MTHFD2L: variants seen among roughly 807,000 people sequenced by gnomAD.
MTHFD2L encodes methylenetetrahydrofolate dehydrogenase (NADP+ dependent) 2 like.
In MTHFD2L, 29 loss-of-function variants were observed where a neutral mutation model predicts 34.9. The ratio of observed to expected loss-of-function variants is 0.83; its 90% CI spans 0.62 to 1.13. The LOEUF (loss-of-function observed/expected upper bound fraction) is 1.13, where lower values mean the gene tolerates loss of function less well. Ranked by LOEUF, MTHFD2L falls within the 50% of genes most tolerant of loss-of-function variation. The pLI is 0.00. For missense variants in MTHFD2L, 481 were observed against 446.5 expected (o/e 1.08, Z -0.70); for synonymous variants, 167 against 155.7 (o/e 1.07, Z -0.54).
upstream of MTHFD2L, among the ~76,000 whole-genome samples, chr4:74,119,648 T>C (rs1560397164): frequency 6.6e-6 from 1 of 151,980 alleles, no homozygotes; most frequent in Non-Finnish European, 1.5e-5. Flanking sequence ...CCGGGCATGG[T>C]GGCGGGTGTC....
At chr4:74,256,757 T>C (rs1323220577) in intron 6 of MTHFD2L, among the ~76,000 whole-genome samples, 1 of 152,206 alleles carries the variant, frequency 6.6e-6, no homozygotes. Context: ...CAAATAGTTA[T>C]ATATGTGCAG....
chr4:74,204,918 A>G (rs971062321), intron 5 of MTHFD2L, among the ~76,000 whole-genome samples: 1 of 152,208 alleles, frequency 6.6e-6, no homozygotes, highest in Non-Finnish European at 1.5e-5. Flanking sequence ...AAACAAAAAC[A>G]TATATACTTT....
chr4:74,264,299 A>G (rs1181885125), intron 6 of MTHFD2L, among the ~76,000 whole-genome samples: 1 of 152,036 alleles, frequency 6.6e-6, no homozygotes, highest in Non-Finnish European at 1.5e-5. Flanking sequence ...TATTTAGAAA[A>G]TCTAATGTAA....
At chr4:74,270,365 C>T (rs919340016) in intron 6 of MTHFD2L, among the ~76,000 whole-genome samples, 2 of 151,992 alleles carry the variant, frequency 1.3e-5, no homozygotes, top group Non-Finnish European at 2.9e-5. Context: ...GTTCCCCTTC[C>T]TGTGTCCAAG....
chr4:74,281,549 A>C lies in MTHFD2L; in HGVS notation c.930A>C (p.Glu310Asp), dbSNP rs1217898858. Reference sequence around the variant, plus strand: ...AATTAGTTGGAGATGTGGACTTCGAAGGTAATAAACCAATATCTTTTGATA... The same window carrying C: ...AATTAGTTGGAGATGTGGACTTCGACGGTAATAAACCAATATCTTTTGATA... Reference protein sequence around the residue: ...KTKLVGDVDFEAVKKKAGFIT... With the variant: ...KTKLVGDVDFDAVKKKAGFIT... The change falls in exon 7 of 8, where the codon GAA becomes GAC. Residue 310 changes from glutamate (E) to aspartate (D), a missense_variant and splice_region_variant. By Grantham distance (45) the Glu-to-Asp change is conservative. Coordinates refer to ENST00000325278, the MANE Select transcript of MTHFD2L (RefSeq NM_001144978.3). 4 of 1,611,420 alleles carry C rather than the reference A, an allele frequency of 2.5e-6. No homozygotes were observed. The highest frequency in any genetic ancestry group is 3.4e-6 in the Non-Finnish European group (4 of 1,178,660).
intron 3 of MTHFD2L, among the ~76,000 whole-genome samples, chr4:74,198,135 G>T (rs1402608750): frequency 6.6e-6 from 1 of 152,134 alleles, no homozygotes; most frequent in Non-Finnish European, 1.5e-5. Flanking sequence ...GATCTGAGTT[G>T]AAGTTGGCAT....
At chr4:74,280,039 T>C (rs1452541359) in intron 6 of MTHFD2L, among the ~76,000 whole-genome samples, 1 of 152,080 alleles carries the variant, frequency 6.6e-6, no homozygotes, top group African/African-American at 2.4e-5. Context: ...TCTCTAACAA[T>C]GCAGTGGATA....
chr4:74,182,748 G>A (rs528565005), intron 3 of MTHFD2L: 4 of 152,198 alleles, frequency 2.6e-5, no homozygotes, highest in East Asian at 1.9e-4. Flanking sequence ...GTGACTACTG[G>A]ACAATAGATT....
chr4:74,169,654 A>G (rs148746966), intron 1 of MTHFD2L, among the ~76,000 whole-genome samples: 2,133 of 152,278 alleles, frequency 0.014, 20 homozygotes, highest in South Asian at 0.023. Context: ...TTTATTTGCT[A>G]CTACCTATAA....
intron 3 of MTHFD2L, chr4:74,180,676 T>G (rs1016660109): frequency 1.8e-5 from 8 of 453,786 alleles, no homozygotes; most frequent in African/African-American, 1.2e-4. Context: ...CTAAGCCTTG[T>G]TTATGTTCAG....
intron 3 of MTHFD2L, among the ~76,000 whole-genome samples, chr4:74,186,942 T>C (rs1731399789): frequency 6.6e-6 from 1 of 152,070 alleles, no homozygotes; most frequent in Non-Finnish European, 1.5e-5. Flanking sequence ...CAATGTAGTA[T>C]TGGAATCAAG....
At chr4:74,153,247 A>C (rs943539128), upstream of MTHFD2L, among the ~76,000 whole-genome samples, 2 of 152,240 alleles carry the variant, frequency 1.3e-5, no homozygotes, top group African/African-American at 4.8e-5. Flanking sequence ...CATTCTGATA[A>C]TCATTTTGAA....
intron 6 of MTHFD2L, among the ~76,000 whole-genome samples, chr4:74,242,526 G>C (rs962661951): frequency 2.6e-5 from 4 of 152,022 alleles, no homozygotes; most frequent in African/African-American, 9.7e-5. Flanking sequence ...CTATATTATA[G>C]ATGCAAAAAG....
At position 74,254,423 on chromosome 4, in the gene MTHFD2L, G is replaced by T. The variant is rs553109986; in HGVS notation, c.806-27002G>T. On this transcript the variant is annotated intron_variant, in intron 6 of 7. Transcript: ENST00000325278. ...ATCTTAAACAAGAGAACCCGCATAA[G>T]ATTTCTCAGCAGTGGATTTCTCAGC... is the stretch of plus-strand genomic sequence containing the variant. 5.3e-5 allele frequency among the ~76,000 whole-genome samples: 8 copies of T among 152,304 alleles called. 1 individual carries two copies. Among genetic ancestry groups the T allele is most frequent in the African/African-American group, 1.9e-4 (8 of 41,584 alleles).
chr4:74,136,506 G>C (rs1297593370), intron 1 of MTHFD2L, among the ~76,000 whole-genome samples: 1 of 152,002 alleles, frequency 6.6e-6, no homozygotes, highest in African/African-American at 2.4e-5. Flanking sequence ...AATATTCTCC[G>C]CTCATGGATT....
At chr4:74,177,119 A>G (rs1484631014) in intron 3 of MTHFD2L, among the ~76,000 whole-genome samples, 1 of 151,994 alleles carries the variant, frequency 6.6e-6, no homozygotes, top group African/African-American at 2.4e-5. Flanking sequence ...TACATTAATG[A>G]TGTTAAAGTT....
At chr4:74,255,136 CAAAAAA>C (rs34300013) in intron 6 of MTHFD2L, among the ~76,000 whole-genome samples, 5 of 69,182 alleles carry the variant, frequency 7.2e-5, no homozygotes, top group African/African-American at 2.5e-4. Flanking sequence ...ACTCCATCTC[CAAAAAA>C]AAAAAAAAAA....
At chr4:74,140,583 A>G (rs1723218704) in intron 1 of MTHFD2L, 1 of 963,842 alleles carries the variant, frequency 1.0e-6, no homozygotes, top group Non-Finnish European at 1.2e-6. Context: ...AGGCAATATA[A>G]TTCAAGGACA....
At chr4:74,277,685 GT>G (rs1746861090) in intron 6 of MTHFD2L, among the ~76,000 whole-genome samples, 2 of 152,140 alleles carry the variant, frequency 1.3e-5, no homozygotes, top group South Asian at 2.1e-4. Flanking sequence ...CTCCCTTTGT[GT>G]TTTTTCCTTT....
Sources: allele counts gnomAD v4.1 joint callset (sites outside exome capture counted in the v4.1 genomes callset), GRCh38; gene constraint gnomAD v4.1.1; transcripts MANE v1.5; gene names NCBI Gene and HGNC (gene_info 2026-07-23, HGNC 2026-07-21).